The following SLC24A2 variants were observed in gnomAD, a reference collection of about 807,000 sequenced individuals.
SLC24A2 encodes the protein solute carrier family 24 member 2.
Under a neutral mutation model 62.0 loss-of-function variants are expected in SLC24A2, and 36 were observed. That is an observed-to-expected ratio of 0.58 (90% CI 0.44 to 0.77). SLC24A2 has a LOEUF of 0.77. Among genes scored for constraint, SLC24A2 ranks in the 30% least tolerant of loss-of-function variants. The pLI, the probability that SLC24A2 is intolerant of heterozygous loss-of-function variation, is 0.00. For missense variants in SLC24A2, 846 were observed against 817.9 expected, an observed-to-expected ratio of 1.03 and a Z score of -0.42; for synonymous variants, 358 against 294.0, an observed-to-expected ratio of 1.22 and a Z score of -2.23.
At chr9:19,585,058 A>C (rs1836329697) in intron 5 of SLC24A2, among the ~76,000 whole-genome samples, 1 of 152,206 alleles carries the variant, frequency 6.6e-6, no homozygotes, top group Non-Finnish European at 1.5e-5. Flanking sequence ...TTATATCTCA[A>C]GTGGTGACCA....
the SLC24A2 span, among the ~76,000 whole-genome samples, chr9:19,990,608 TA>T: frequency 2.4e-5 from 1 of 42,012 alleles, no homozygotes; most frequent in African/African-American, 1.3e-4. Context: ...AGACTCCACC[TA>T]AAAAAACAAA....
the SLC24A2 span, among the ~76,000 whole-genome samples, chr9:20,138,257 G>C: frequency 6.6e-6 from 1 of 152,032 alleles, no homozygotes; most frequent in Admixed American, 6.5e-5. Flanking sequence ...AATAATGCAG[G>C]CTCAATAAAA....
At chr9:19,580,486 G>T (rs757381523) in intron 5 of SLC24A2, among the ~76,000 whole-genome samples, 5 of 152,206 alleles carry the variant, frequency 3.3e-5, no homozygotes, top group Admixed American at 1.3e-4. Context: ...AGGCTAACAG[G>T]ATATATGTGA....
chr9:19,942,406 G>A, the SLC24A2 span, among the ~76,000 whole-genome samples: 46 of 152,164 alleles, frequency 3.0e-4, no homozygotes, highest in Non-Finnish European at 1.0e-4. Context: ...GTCACATGGA[G>A]AATCAGTGTC....
At chr9:19,617,950 G>A (rs1817812222) in intron 4 of SLC24A2, among the ~76,000 whole-genome samples, 1 of 152,244 alleles carries the variant, frequency 6.6e-6, no homozygotes, top group Non-Finnish European at 1.5e-5. Flanking sequence ...AAGCGATGGA[G>A]ATGGTTTGGA....
At chr9:19,760,863 T>C (rs1209811823) in intron 2 of SLC24A2, among the ~76,000 whole-genome samples, 9 of 142,222 alleles carry the variant, frequency 6.3e-5, no homozygotes, top group Admixed American at 5.4e-4. Flanking sequence ...AATTGAACAA[T>C]GAGAACACTT....
At chr9:19,627,424 G>T (rs1818061517) in intron 2 of SLC24A2, among the ~76,000 whole-genome samples, 1 of 152,168 alleles carries the variant, frequency 6.6e-6, no homozygotes. Context: ...TTGGAATATG[G>T]AATACTCAGT....
At chr9:19,898,814 T>C in the SLC24A2 span, among the ~76,000 whole-genome samples, 1 of 151,714 alleles carries the variant, frequency 6.6e-6, no homozygotes, top group African/African-American at 2.4e-5. Flanking sequence ...GGTGACCAAT[T>C]ATTACTCAAC....
intron 2 of SLC24A2, among the ~76,000 whole-genome samples, chr9:19,654,927 T>A (rs1022599638): frequency 2.6e-5 from 4 of 152,194 alleles, no homozygotes; most frequent in African/African-American, 9.6e-5. Flanking sequence ...ATGTGAGTGA[T>A]CATGCCCTCA....
the SLC24A2 span, among the ~76,000 whole-genome samples, chr9:19,870,110 C>T: frequency 6.6e-6 from 1 of 152,076 alleles, no homozygotes; most frequent in South Asian, 2.1e-4. Flanking sequence ...CTGCGGCCAC[C>T]ACCCCTATCT....
chr9:19,598,672 C>T (rs12339627), intron 4 of SLC24A2, among the ~76,000 whole-genome samples: 19,597 of 151,482 alleles, frequency 0.13, 1,386 homozygotes, highest in African/African-American at 0.18. Flanking sequence ...TATATACATA[C>T]GTGTATATAT....
At chr9:20,148,090 G>A in the SLC24A2 span, among the ~76,000 whole-genome samples, 1,185 of 152,086 alleles carry the variant, frequency 7.8e-3, 8 homozygotes, top group Middle Eastern at 0.014. Context: ...CTTTTCCTGG[G>A]TGACCTGGAT....
chr9:19,593,312 A>C (rs561772863), intron 5 of SLC24A2, among the ~76,000 whole-genome samples: 1 of 152,312 alleles, frequency 6.6e-6, no homozygotes, highest in South Asian at 2.1e-4. Flanking sequence ...CACCTGGTAC[A>C]TACTGGCTAT....
rs1253938951 is a variant in SLC24A2 at position 19,632,979 on chromosome 9, C to T, written c.931-10680G>A. Among the ~76,000 whole-genome samples, 4 of 152,188 alleles carry T rather than the reference C, an allele frequency of 2.6e-5. No homozygotes were observed. Among genetic ancestry groups the T allele is most frequent in the Non-Finnish European group, 5.9e-5 (4 of 68,036 alleles). Reference sequence around the variant, plus strand: ...CTTTAGGTCTACACCCATTCCCACACCTGCCTGCTAATCCCTGGCAACCAC... The same window carrying T: ...CTTTAGGTCTACACCCATTCCCACATCTGCCTGCTAATCCCTGGCAACCAC... On this transcript the variant is annotated intron_variant, in intron 2 of 10. Transcript: ENST00000341998. This position sits in a 1 kb window ranked among gnomAD's most constrained non-coding sequence, Gnocchi z 4.5.
the SLC24A2 span, among the ~76,000 whole-genome samples, chr9:20,140,974 A>T: frequency 6.6e-6 from 1 of 151,988 alleles, no homozygotes; most frequent in Non-Finnish European, 1.5e-5. Context: ...CCTCCTGAAA[A>T]ACTGAGGCTA....
chr9:19,996,478 T>C, the SLC24A2 span, among the ~76,000 whole-genome samples: 1 of 152,284 alleles, frequency 6.6e-6, no homozygotes, highest in African/African-American at 2.4e-5. Flanking sequence ...CGGTGGCTTA[T>C]GCCTGTAATC....
intron 6 of SLC24A2, among the ~76,000 whole-genome samples, chr9:19,573,913 C>G (rs1835931329): frequency 6.6e-6 from 1 of 152,238 alleles, no homozygotes; most frequent in Non-Finnish European, 1.5e-5. Context: ...ACACCCTGGA[C>G]TGTACCCTTC....
chr9:20,226,551 G>A, the SLC24A2 span, among the ~76,000 whole-genome samples: 1 of 152,158 alleles, frequency 6.6e-6, no homozygotes. Flanking sequence ...TGGGCGGCCA[G>A]AGATGAATTG....
chr9:20,234,122 G>A, the SLC24A2 span, among the ~76,000 whole-genome samples: 1 of 152,180 alleles, frequency 6.6e-6, no homozygotes, highest in Non-Finnish European at 1.5e-5. Context: ...GCTTCCCTTT[G>A]CGGGTAACCC....
Sources: allele counts gnomAD v4.1 joint callset (sites outside exome capture counted in the v4.1 genomes callset), GRCh38; gene constraint gnomAD v4.1.1; non-coding constraint Gnocchi (gnomAD v3.1); transcripts MANE v1.5; gene names NCBI Gene and HGNC (gene_info 2026-07-23, HGNC 2026-07-21).